Variants in AFF2 observed in about 807,000 individuals in gnomAD.
AFF2 encodes the protein AF4/FMR2 family member 2.
A neutral mutation model predicts 76.9 loss-of-function variants in AFF2; 14 were observed. The ratio of observed to expected loss-of-function variants is 0.18; its 90% CI spans 0.12 to 0.28. The LOEUF is 0.28. AFF2 is among the 10% of genes least tolerant of loss of function. The pLI is 1.00. For missense variants in AFF2, 868 were observed against 1,001.1 expected (o/e 0.87, Z 1.79); for synonymous variants, 398 against 366.7 (o/e 1.09, Z -0.98).
chrX:148,521,374 G>GCACACACACACACACA lies in AFF2; in HGVS notation c.47+20252_47+20267dup, dbSNP rs781978355. Among the ~76,000 whole-genome samples the GCACACACACACACACA allele has an allele frequency of 6.7e-4, 61 of 90,910 alleles. 1 individual carries two copies. The highest frequency in any genetic ancestry group is 2.5e-3 in the African/African-American group (58 of 23,512). The allele number at this position is 90,910 out of a possible 115,157, so 78.9% of individuals were successfully genotyped here. On this transcript the variant is annotated intron_variant, in intron 1 of 20. Coordinates refer to ENST00000370460, the MANE Select transcript of AFF2 (RefSeq NM_002025.4). ...ACAGGTACCTGAAAAGCACGTGCATGCACACACACACACACACACACACAC... is the reference window on the plus strand; with the variant it reads ...ACAGGTACCTGAAAAGCACGTGCATGCACACACACACACACACACACACACACACACACACACACAC...
At chrX:148,558,354 C>A (rs1412530140) in intron 1 of AFF2, among the ~76,000 whole-genome samples, 2 of 111,502 alleles carry the variant, frequency 1.8e-5, no homozygotes, top group African/African-American at 6.5e-5. Context: ...AGGTTATGAG[C>A]TCTAAGAGTG....
intron 1 of AFF2, among the ~76,000 whole-genome samples, chrX:148,503,891 GTTCT>G (rs2052379288): frequency 8.9e-6 from 1 of 111,924 alleles, no homozygotes; most frequent in East Asian, 2.8e-4. Flanking sequence ...CAAAGCTCAA[GTTCT>G]TTAAGATTCT....
At chrX:148,620,423 CTT>C (rs1557251071) in intron 1 of AFF2, among the ~76,000 whole-genome samples, 1 of 110,967 alleles carries the variant, frequency 9.0e-6, no homozygotes, top group Admixed American at 9.6e-5. Context: ...AAAAATATAT[CTT>C]AATTCATTCA....
At chrX:148,639,964 G>A (rs1268084249) in intron 1 of AFF2, among the ~76,000 whole-genome samples, 1 of 111,836 alleles carries the variant, frequency 8.9e-6, no homozygotes, top group Non-Finnish European at 1.9e-5. Flanking sequence ...ATAGAGAAAG[G>A]AGCTGCTATG....
chrX:148,936,926 T>C (rs1402662388), intron 9 of AFF2, among the ~76,000 whole-genome samples: 1 of 112,135 alleles, frequency 8.9e-6, no homozygotes, highest in African/African-American at 3.2e-5. Context: ...ACTGAGAAGC[T>C]ACGGCAGGGC....
chrX:148,802,353 A>G (rs2070071030), intron 3 of AFF2, among the ~76,000 whole-genome samples: 1 of 112,114 alleles, frequency 8.9e-6, no homozygotes, highest in South Asian at 3.7e-4. Context: ...GTTAGCATAA[A>G]TTTAACTGTT....
At chrX:148,835,328 G>T (rs2070508019) in intron 4 of AFF2, among the ~76,000 whole-genome samples, 2 of 110,424 alleles carry the variant, frequency 1.8e-5, no homozygotes, top group African/African-American at 6.6e-5. Flanking sequence ...ATTGACTCTG[G>T]CTAAATATGA....
intron 1 of AFF2, among the ~76,000 whole-genome samples, chrX:148,505,385 G>C (rs2052400544): frequency 8.9e-6 from 1 of 111,933 alleles, no homozygotes; most frequent in Non-Finnish European, 1.9e-5. Flanking sequence ...TAATGATTCA[G>C]TCAAGCATTT....
At position 148,669,922 on chromosome X, in the gene AFF2, CT is replaced by C. The variant is rs1289957798; in HGVS notation, c.1041+7155del. Among the ~76,000 whole-genome samples the C allele has an allele frequency of 3.6e-5, 4 of 111,749 alleles. No homozygotes were observed. In the South Asian group the frequency reaches 1.5e-3, roughly 42 times the overall value. Reference sequence around the variant, plus strand: ...CTTGAACTTAGTATTTGTCTTATAGCTGTGTGGAATCTAGAAAGCTTTGTAC... The same window carrying C: ...CTTGAACTTAGTATTTGTCTTATAGCGTGTGGAATCTAGAAAGCTTTGTAC... On this transcript the variant is annotated intron_variant, in intron 3 of 20. Coordinates refer to ENST00000370460, the MANE Select transcript of AFF2 (RefSeq NM_002025.4).
chrX:148,594,252 C>T lies in AFF2; in HGVS notation c.48-57747C>T, dbSNP rs782260311. ...CTTAGCCTGAGCTAGTCAGGACTTACTCGGGTCTGGAATCAATTCAGAAAT... is the reference window on the plus strand; with the variant it reads ...CTTAGCCTGAGCTAGTCAGGACTTATTCGGGTCTGGAATCAATTCAGAAAT... On this transcript the variant is annotated intron_variant, in intron 1 of 20. Transcript: ENST00000370460. Among the ~76,000 whole-genome samples the T allele has an allele frequency of 2.7e-5, 3 of 111,353 alleles. No homozygotes were observed. The East Asian group carries it at 8.6e-4, about 32-fold the overall frequency.
At chrX:148,911,681 C>T (rs1302899841) in intron 9 of AFF2, among the ~76,000 whole-genome samples, 2 of 112,071 alleles carry the variant, frequency 1.8e-5, no homozygotes, top group Admixed American at 9.4e-5. Context: ...AACACAAAAT[C>T]GAGTGTTGTT....
At chrX:148,972,951 A>G (rs1169656835) in intron 15 of AFF2, among the ~76,000 whole-genome samples, 1 of 66,213 alleles carries the variant, frequency 1.5e-5, no homozygotes, top group Admixed American at 2.0e-4. Flanking sequence ...TGATTTTTGT[A>G]TAAGGTGTAA....
intron 4 of AFF2, among the ~76,000 whole-genome samples, chrX:148,818,266 T>A (rs2070289816): frequency 8.9e-6 from 1 of 112,077 alleles, no homozygotes; most frequent in African/African-American, 3.2e-5. Flanking sequence ...AGTTGCTCTG[T>A]GCAAAATAAA....
chrX:148,986,846 C>G (rs1557291604), intron 19 of AFF2, among the ~76,000 whole-genome samples: 1 of 112,866 alleles, frequency 8.9e-6, no homozygotes, highest in African/African-American at 3.2e-5. Context: ...TGAAACATCA[C>G]AACACTTGTT....
chrX:148,635,375 T>C (rs782369240), intron 1 of AFF2, among the ~76,000 whole-genome samples: 12 of 111,263 alleles, frequency 1.1e-4, no homozygotes, highest in Non-Finnish European at 2.1e-4. Flanking sequence ...GAGGCAAGGA[T>C]ATGGATTCTC....
At chrX:148,634,398 G>A (rs891292056) in intron 1 of AFF2, among the ~76,000 whole-genome samples, 1 of 111,555 alleles carries the variant, frequency 9.0e-6, no homozygotes, top group African/African-American at 3.3e-5. Context: ...CAAGTAAAAC[G>A]TAAGAGGGCA....
At chrX:148,832,738 C>T (rs1557273444) in intron 4 of AFF2, among the ~76,000 whole-genome samples, 1 of 111,914 alleles carries the variant, frequency 8.9e-6, no homozygotes, top group East Asian at 2.8e-4. Context: ...GAACTAGAAG[C>T]CATCCAAGTC....
At chrX:148,830,890 C>T (rs782398163) in intron 4 of AFF2, among the ~76,000 whole-genome samples, 8 of 110,422 alleles carry the variant, frequency 7.2e-5, no homozygotes, top group Admixed American at 1.9e-4. Flanking sequence ...AGCCTGGGAG[C>T]GCTATGGGAG....
At chrX:148,988,754 C>A (rs1407672593) in intron 20 of AFF2, among the ~76,000 whole-genome samples, 1 of 112,264 alleles carries the variant, frequency 8.9e-6, no homozygotes, top group Non-Finnish European at 1.9e-5. Flanking sequence ...TATAAATTTA[C>A]ACTGACTCCT....
Sources: allele counts gnomAD v4.1 joint callset (sites outside exome capture counted in the v4.1 genomes callset), GRCh38; gene constraint gnomAD v4.1.1; transcripts MANE v1.5; gene names NCBI Gene and HGNC (gene_info 2026-07-23, HGNC 2026-07-21).